DNAH8: variants seen among roughly 807,000 people sequenced by gnomAD.
DNAH8 encodes axonemal beta dynein heavy chain 8.
Under a neutral mutation model 562.1 loss-of-function variants are expected in DNAH8, and 382 were observed. The ratio of observed to expected loss-of-function variants is 0.68; its 90% CI spans 0.63 to 0.74. The LOEUF (loss-of-function observed/expected upper bound fraction) is 0.74, where lower values mean the gene tolerates loss of function less well. Among genes scored for constraint, DNAH8 ranks in the 30% least tolerant of loss-of-function variants. DNAH8 has a pLI of 0.00. For synonymous variants in DNAH8, 1,881 were observed against 1,919.4 expected, an observed-to-expected ratio of 0.98 and a Z score of 0.52; for missense variants, 5,203 against 5,620.4, an observed-to-expected ratio of 0.93 and a Z score of 2.37.
At chr6:39,023,554 C>T (rs1767071141) in intron 91 of DNAH8, among the ~76,000 whole-genome samples, 1 of 152,142 alleles carries the variant, frequency 6.6e-6, no homozygotes, top group Admixed American at 6.5e-5. Context: ...AAAAGTACTG[C>T]TTTCAAGCTC....
Position 38,860,628 on chromosome 6 carries a change from A to G in DNAH8, c.6130A>G (p.Arg2044Gly). Reference protein sequence around the residue: ...DRLVITPLTDRCYITLAQALG... With the variant: ...DRLVITPLTDGCYITLAQALG... ...TCTTGTTATCACTCCATTAACAGAT[A>G]GGTAGGAAACCCAGTTTTCGTTTTT... is the stretch of plus-strand genomic sequence containing the variant. The change falls in exon 43 of 93, where the codon AGA becomes GGA. Residue 2044 changes from arginine to glycine, a missense_variant and splice_region_variant. Arg to Gly is a moderately radical substitution (Grantham distance 125). This residue lies in a region of DNAH8 where 2,176 missense variants were observed against 2,365.1 expected (regional missense o/e 0.92). Coordinates refer to ENST00000327475, the MANE Select transcript of DNAH8 (RefSeq NM_001206927.2). 6.6e-7 allele frequency: 1 copy of G among 1,514,976 alleles called. No homozygotes were observed. The highest frequency in any genetic ancestry group is 8.8e-7 in the Non-Finnish European group (1 of 1,142,800). 93.8% of individuals were successfully genotyped at this position (1,514,976 alleles called of 1,614,324 possible).
chr6:38,896,292 C>G, intron 60 of DNAH8, 67 bp downstream of exon 60: 1 of 1,293,476 alleles, frequency 7.7e-7, no homozygotes, highest in Non-Finnish European at 1.1e-6. Context: ...TCTCTCTGCA[C>G]CAGAGTCCTA....
intron 82 of DNAH8, among the ~76,000 whole-genome samples, chr6:38,961,037 C>A (rs1476880143): frequency 6.6e-6 from 1 of 151,982 alleles, no homozygotes; most frequent in African/African-American, 2.4e-5. Context: ...TTTGTGACAA[C>A]ATGGATGAAT....
chr6:38,803,127 C>T lies in DNAH8; in HGVS notation c.2902-52C>T, dbSNP rs1770930204. On this transcript the variant is annotated intron_variant, in intron 21 of 92. Transcript: ENST00000327475. ...ATTAAAGTCATAGGACTAATTTTCACAGTGTTACTTTTAAGTATCTGGAAA... is the reference window on the plus strand; with the variant it reads ...ATTAAAGTCATAGGACTAATTTTCATAGTGTTACTTTTAAGTATCTGGAAA... 3.1e-6 allele frequency: 4 copies of T among 1,297,562 alleles called. No individual in the cohort carries two copies. The African/African-American group carries it at 6.1e-5, about 20-fold the overall frequency. The allele number at this position is 1,297,562 out of a possible 1,614,324, so 80.4% of individuals were successfully genotyped here. A position where few individuals can be genotyped will look rare whatever the true frequency, so the allele number is the denominator to read the frequency against.
intron 79 of DNAH8, among the ~76,000 whole-genome samples, chr6:38,940,813 A>C (rs115253867): frequency 0.044 from 6,642 of 152,186 alleles, 436 homozygotes; most frequent in African/African-American, 0.14. Flanking sequence ...GCTATCCAGA[A>C]AACAATTAGA....
At chr6:38,812,217 C>G (rs1771857929) in intron 24 of DNAH8, among the ~76,000 whole-genome samples, 1 of 152,154 alleles carries the variant, frequency 6.6e-6, no homozygotes, top group Admixed American at 6.5e-5. Context: ...AGCCCGGAAC[C>G]CTGGCTAGGC....
At chr6:38,738,644 T>A (rs1174262349) in intron 7 of DNAH8, among the ~76,000 whole-genome samples, 1 of 152,094 alleles carries the variant, frequency 6.6e-6, no homozygotes, top group Non-Finnish European at 1.5e-5. Flanking sequence ...AAATCTTCAG[T>A]TATGTGAGGA....
At chr6:38,717,308 G>A (rs955551157) in intron 1 of DNAH8, among the ~76,000 whole-genome samples, 3 of 152,112 alleles carry the variant, frequency 2.0e-5, no homozygotes, top group African/African-American at 7.2e-5. Context: ...GGGTAGATTC[G>A]TAGGGAATTT....
Position 39,030,285 on chromosome 6 carries a change from C to T in DNAH8, c.14017C>T (p.Pro4673Ser), listed in dbSNP as rs144993102. 30 of 1,614,006 alleles carry T rather than the reference C, an allele frequency of 1.9e-5. No homozygotes were observed. Among genetic ancestry groups the T allele is most frequent in the African/African-American group, 1.3e-5 (1 of 74,910 alleles). ...GTATGTGTGTCCTATTTACAAGAAA[C>T]CCAGGCGAACTGATTTGACCTTCAT... ...KLYVCPIYKK[P>S]RRTDLTFITV... Residue 4673 changes from proline to serine, a missense_variant, in exon 93 of 93, where the codon CCC becomes TCC. Pro to Ser is a moderately conservative substitution (Grantham distance 74). This residue lies in a region of DNAH8 where 1,399 missense variants were observed against 1,518.4 expected (regional missense o/e 0.92). Coordinates refer to ENST00000327475, the MANE Select transcript of DNAH8 (RefSeq NM_001206927.2).
chr6:39,017,540 C>A (rs932610675), intron 91 of DNAH8, among the ~76,000 whole-genome samples: 14 of 152,102 alleles, frequency 9.2e-5, no homozygotes, highest in East Asian at 1.9e-4. Flanking sequence ...TCTCACACCT[C>A]TATAGTAGAT....
At chr6:38,802,136 A>G (rs1449444724) in intron 21 of DNAH8, among the ~76,000 whole-genome samples, 1 of 151,140 alleles carries the variant, frequency 6.6e-6, no homozygotes, top group Non-Finnish European at 1.5e-5. Context: ...GGGTCTCGCC[A>G]TGTTGCCCAG....
Position 38,990,073 on chromosome 6 carries a change from C to T in DNAH8, c.13115C>T (p.Pro4372Leu), listed in dbSNP as rs1279630441. Residue 4372 changes from proline (P) to leucine (L), a missense_variant, in exon 88 of 93, where the codon CCC (proline) becomes CTC (leucine). Pro to Leu is a moderately conservative substitution (Grantham distance 98). This residue lies in a region of DNAH8 where 1,399 missense variants were observed against 1,518.4 expected (regional missense o/e 0.92). Coordinates refer to ENST00000327475, the MANE Select transcript of DNAH8 (RefSeq NM_001206927.2). ...TGCTTTTATACTGGATATAAAATCCCCTTATGCAAAACCTTAGACCAGTAT... is the reference window on the plus strand; with the variant it reads ...TGCTTTTATACTGGATATAAAATCCTCTTATGCAAAACCTTAGACCAGTAT... ...SFCFYTGYKI[P>L]LCKTLDQYFE... is the part of the protein sequence containing the mutation. 5 of 1,598,606 alleles carry T rather than the reference C, an allele frequency of 3.1e-6. No individual in the cohort carries two copies. The highest frequency in any genetic ancestry group is 1.6e-4 in the Middle Eastern group (1 of 6,064).
At chr6:38,901,796 T>C (rs1358977506) in intron 62 of DNAH8, among the ~76,000 whole-genome samples, 1 of 152,268 alleles carries the variant, frequency 6.6e-6, no homozygotes, top group East Asian at 1.9e-4. Flanking sequence ...TTTAAAAACA[T>C]AAAATATCAA....
chr6:38,884,028 C>A, intron 56 of DNAH8, 30 bp downstream of exon 56: 4 of 1,397,036 alleles, frequency 2.9e-6, no homozygotes, highest in Non-Finnish European at 3.8e-6. Context: ...TATAGATGAT[C>A]CTGAATTTGT....
chr6:38,829,902 T>G (rs1005418090), intron 30 of DNAH8, among the ~76,000 whole-genome samples: 3 of 152,188 alleles, frequency 2.0e-5, no homozygotes, highest in African/African-American at 7.2e-5. Context: ...AAACAACAAC[T>G]CTCCATTTTC....
In DNAH8 at chr6:38,842,368, A is replaced by T. The variant is rs1774876375; in HGVS notation, c.4467A>T (p.Arg1489Ser). Residue 1489 changes from arginine to serine, a missense_variant and splice_region_variant, in exon 34 of 93, where the codon AGA (arginine) becomes AGT (serine). Arg to Ser is a moderately radical substitution (Grantham distance 110). Coordinates refer to ENST00000327475, the MANE Select transcript of DNAH8 (RefSeq NM_001206927.2). ...VTDYEVLHKTRKELNLLQKLY... is the reference protein window; with the variant it reads ...VTDYEVLHKTSKELNLLQKLY... ...ATAACTTAGTTACTTTGTTTCCCAG[A>T]AAAGAACTCAACTTGCTGCAGAAGC... 1.3e-6 allele frequency: 2 copies of T among 1,596,864 alleles called. No individual in the cohort carries two copies. The highest frequency in any genetic ancestry group is 1.7e-6 in the Non-Finnish European group (2 of 1,174,492).
chr6:38,772,303 C>G (rs1767656467), intron 12 of DNAH8, among the ~76,000 whole-genome samples: 1 of 152,138 alleles, frequency 6.6e-6, no homozygotes, highest in African/African-American at 2.4e-5. Context: ...GCTGGGATTA[C>G]AGGCATGAGC....
Position 38,870,412 on chromosome 6 carries a change from T to C in DNAH8, c.6840T>C (p.Asp2280=). 1.2e-6 allele frequency: 2 copies of C among 1,613,102 alleles called. No homozygotes were observed. Among genetic ancestry groups the C allele is most frequent in the South Asian group, 2.2e-5 (2 of 90,794 alleles). The change falls in exon 49 of 93, where the codon GAT becomes GAC. Residue 2280 remains aspartate (D), a synonymous_variant. Transcript: ENST00000327475. ...CTATGCCACCTTAGGTTGATGAAGA[T>C]GAACCCCTGTTCCTCAGCTTAATCA... ...DMNLSKLVDE[D]EPLFLSLIND...
intron 66 of DNAH8, 92 bp from the exon 67 acceptor site, chr6:38,913,757 A>G (rs1781083344): frequency 1.2e-6 from 1 of 822,222 alleles, no homozygotes; most frequent in Non-Finnish European, 1.9e-6. Flanking sequence ...TATTACATGT[A>G]CAGTGCCTAA....
Sources: allele counts gnomAD v4.1 joint callset (sites outside exome capture counted in the v4.1 genomes callset), GRCh38; gene constraint gnomAD v4.1.1; regional missense constraint gnomAD v4.1.1; transcripts MANE v1.5; gene names NCBI Gene and HGNC (gene_info 2026-07-23, HGNC 2026-07-21).